WDPCP: variants seen among roughly 807,000 people sequenced by gnomAD.
WDPCP encodes WD repeat containing planar cell polarity effector, also known as WD repeat-containing and planar cell polarity effector protein fritz homolog.
In WDPCP, 71 loss-of-function variants were observed where a neutral mutation model predicts 93.1. The ratio of observed to expected loss-of-function variants is 0.76; its 90% CI spans 0.63 to 0.93. The LOEUF (loss-of-function observed/expected upper bound fraction) is 0.93, where lower values mean the gene tolerates loss of function less well. WDPCP is among the 40% of genes least tolerant of loss of function. The pLI is 0.00. For missense variants in WDPCP, 844 were observed against 887.4 expected, an observed-to-expected ratio of 0.95 and a Z score of 0.62; for synonymous variants, 315 against 315.0, an observed-to-expected ratio of 1.00 and a Z score of 0.00.
intron 12 of WDPCP, among the ~76,000 whole-genome samples, chr2:63,313,876 A>G (rs200862624): frequency 8.8e-3 from 35 of 3,986 alleles, no homozygotes; most frequent in East Asian, 0.033. Flanking sequence ...ATATATATAT[A>G]TATATATATA....
intron 9 of WDPCP, among the ~76,000 whole-genome samples, chr2:63,405,290 G>A (rs1467541390): frequency 6.6e-6 from 1 of 152,062 alleles, no homozygotes; most frequent in Non-Finnish European, 1.5e-5. Context: ...GTGACCAATA[G>A]AAAGAAATAA....
At chr2:63,280,348 G>T (rs1419344036) in intron 13 of WDPCP, among the ~76,000 whole-genome samples, 5 of 152,186 alleles carry the variant, frequency 3.3e-5, no homozygotes, top group Non-Finnish European at 5.9e-5. Flanking sequence ...AAACCCATCA[G>T]ATCTTGTGAG....
At chr2:63,237,415 C>G (rs891652176) in intron 14 of WDPCP, among the ~76,000 whole-genome samples, 1 of 152,098 alleles carries the variant, frequency 6.6e-6, no homozygotes, top group East Asian at 1.9e-4. Flanking sequence ...CAGTAGAAAG[C>G]AGTTTGGAGA....
chr2:63,287,242 A>G (rs1684074173), intron 13 of WDPCP, among the ~76,000 whole-genome samples: 1 of 151,950 alleles, frequency 6.6e-6, no homozygotes, highest in Non-Finnish European at 1.5e-5. Flanking sequence ...CAGGGCTTCA[A>G]CATATGAACT....
chr2:63,391,094 G>T (rs1693199719), intron 10 of WDPCP, among the ~76,000 whole-genome samples: 1 of 152,070 alleles, frequency 6.6e-6, no homozygotes, highest in Non-Finnish European at 1.5e-5. Context: ...ACAAAAAAGA[G>T]AATTTTAGAC....
chr2:63,322,515 G>A (rs777803977), intron 12 of WDPCP, among the ~76,000 whole-genome samples: 10 of 152,198 alleles, frequency 6.6e-5, no homozygotes, highest in Admixed American at 6.5e-4. Context: ...AACCCACTGG[G>A]AGGAAGAAAC....
At chr2:63,378,171 G>T in intron 12 of WDPCP, 1 of 601,002 alleles carries the variant, frequency 1.7e-6, no homozygotes, top group Non-Finnish European at 2.8e-6. Context: ...ATATTAAAAA[G>T]TATTGGTTAT....
chr2:63,128,448 T>C (rs1670067102), intron 17 of WDPCP, among the ~76,000 whole-genome samples: 1 of 152,326 alleles, frequency 6.6e-6, no homozygotes, highest in African/African-American at 2.4e-5. Context: ...GTTTCATTTC[T>C]TTCCTTTCCC....
At chr2:63,702,439 A>T (rs903073591) in intron 2 of WDPCP, among the ~76,000 whole-genome samples, 94 of 152,362 alleles carry the variant, frequency 6.2e-4, no homozygotes, top group African/African-American at 2.0e-3. Flanking sequence ...AGTAGAATTT[A>T]AAAAAGTTTT....
intron 3 of WDPCP, among the ~76,000 whole-genome samples, chr2:63,648,061 G>C (rs553736931): frequency 6.6e-6 from 1 of 152,082 alleles, no homozygotes; most frequent in Non-Finnish European, 1.5e-5. Flanking sequence ...ATATTTTTAG[G>C]AAAAGGAACA....
chr2:63,265,268 T>G (rs1309251357), intron 13 of WDPCP, among the ~76,000 whole-genome samples: 1 of 151,852 alleles, frequency 6.6e-6, no homozygotes, highest in Non-Finnish European at 1.5e-5. Context: ...TAAACAAAAC[T>G]GACTAAACTT....
At chr2:63,263,346 G>T (rs937168726) in intron 13 of WDPCP, among the ~76,000 whole-genome samples, 1 of 152,204 alleles carries the variant, frequency 6.6e-6, no homozygotes, top group African/African-American at 2.4e-5. Flanking sequence ...CCTTAAGAGA[G>T]GATTAGGTCA....
chr2:63,394,769 A>C (rs1462743326), intron 10 of WDPCP, among the ~76,000 whole-genome samples: 1 of 152,176 alleles, frequency 6.6e-6, no homozygotes, highest in Non-Finnish European at 1.5e-5. Flanking sequence ...CCATTATCCT[A>C]AATGAAATAA....
At chr2:63,605,545 C>G in intron 3 of WDPCP, 1 of 639,966 alleles carries the variant, frequency 1.6e-6, no homozygotes, top group Non-Finnish European at 2.8e-6. Context: ...GGTTTGTTAG[C>G]CTTGACCTTT....
intron 10 of WDPCP, among the ~76,000 whole-genome samples, chr2:63,400,038 A>C (rs1038941888): frequency 1.3e-5 from 2 of 152,060 alleles, no homozygotes; most frequent in African/African-American, 4.8e-5. Context: ...TTTGTACCAT[A>C]GAGCCAAATT....
intron 12 of WDPCP, among the ~76,000 whole-genome samples, chr2:63,367,899 T>TAAAG (rs1691042052): frequency 6.6e-6 from 1 of 152,210 alleles, no homozygotes; most frequent in African/African-American, 2.4e-5. Flanking sequence ...AAGTGTTCAT[T>TAAAG]AAAGATTTCA....
intron 17 of WDPCP, among the ~76,000 whole-genome samples, chr2:63,132,626 T>C (rs767570757): frequency 2.6e-5 from 4 of 151,514 alleles, no homozygotes; most frequent in South Asian, 2.1e-4. Flanking sequence ...ATCCCTCTAG[T>C]GAATTTTTAA....
At chr2:63,427,072 G>A (rs1046876028) in intron 9 of WDPCP, among the ~76,000 whole-genome samples, 1 of 152,098 alleles carries the variant, frequency 6.6e-6, no homozygotes, top group Non-Finnish European at 1.5e-5. Context: ...TCCAACACTG[G>A]AGCACCCACA....
Position 63,150,897 on chromosome 2 carries a change from G to C in WDPCP, c.2190+2017C>G, listed in dbSNP as rs562122788. On this transcript the variant is annotated intron_variant, in intron 17 of 17. Transcript: ENST00000272321. ...TGTGGAAATTTCACAAGAAGACTTT[G>C]CAAACAATGACAGCCTGTTATAATC... Among the ~76,000 whole-genome samples, 5 of 152,262 alleles carry C rather than the reference G, an allele frequency of 3.3e-5. No homozygotes were observed. In the South Asian group the frequency reaches 1.0e-3, roughly 32 times the overall value.
Sources: allele counts gnomAD v4.1 joint callset (sites outside exome capture counted in the v4.1 genomes callset), GRCh38; gene constraint gnomAD v4.1.1; transcripts MANE v1.5; gene names NCBI Gene and HGNC (gene_info 2026-07-23, HGNC 2026-07-21).